Variants in FLT4 observed in about 807,000 individuals in gnomAD.
FLT4 encodes vascular endothelial growth factor receptor 3.
Under a neutral mutation model 163.2 loss-of-function variants are expected in FLT4, and 30 were observed. The observed-to-expected ratio is 0.18, with a 90% CI of 0.14 to 0.25. FLT4 has a LOEUF of 0.25. Ranked by LOEUF, FLT4 falls within the 10% of genes least tolerant of loss-of-function variation. The pLI, the probability that FLT4 is intolerant of heterozygous loss-of-function variation, is 1.00. For missense variants in FLT4, 1,510 were observed against 1,863.8 expected (o/e 0.81, Z 3.50); for synonymous variants, 884 against 789.5 (o/e 1.12, Z -2.01).
chr5:180,622,905 C>T, intron 11 of FLT4, 66 bp from the exon 12 acceptor site: 1 of 1,083,200 alleles, frequency 9.2e-7, no homozygotes, highest in Non-Finnish European at 1.4e-6. Context: ...CCCTGTCTTT[C>T]TGCAAGGAGG....
chr5:180,610,787 G>A (rs1211815633), intron 27 of FLT4, among the ~76,000 whole-genome samples: 1 of 152,262 alleles, frequency 6.6e-6, no homozygotes, highest in African/African-American at 2.4e-5. Flanking sequence ...GCCGGGCGCA[G>A]TGGCTCACGC....
Position 180,619,015 on chromosome 5 carries a change from G to A in FLT4, c.2850+6C>T, listed in dbSNP as rs2127807430. 6.5e-7 allele frequency: 1 copy of A among 1,548,250 alleles called. No homozygotes were observed. Among genetic ancestry groups the A allele is most frequent in the Non-Finnish European group, 8.7e-7 (1 of 1,146,774 alleles). On this transcript the variant is annotated splice_donor_region_variant and intron_variant, in intron 20 of 29. Transcript: ENST00000261937. Reference sequence around the variant, plus strand: ...GCCCGCGGCGCCCCGCAGGCCGCCCGCTCACCGCGCAGGGGCTGAAGGCGT... The same window carrying A: ...GCCCGCGGCGCCCCGCAGGCCGCCCACTCACCGCGCAGGGGCTGAAGGCGT...
intron 25 of FLT4, 66 bp from the exon 26 acceptor site, chr5:180,612,677 C>T: frequency 8.2e-7 from 1 of 1,219,946 alleles, no homozygotes; most frequent in Admixed American, 1.7e-5. Flanking sequence ...TTCAGTGCCC[C>T]AGCCTTCCTG....
chr5:180,608,927 ACAT>A, intron 29 of FLT4, 38 bp downstream of exon 29: 1 of 1,526,836 alleles, frequency 6.5e-7, no homozygotes, highest in African/African-American at 1.4e-5. Context: ...GGGGAGGGCA[ACAT>A]CGATACCTGC....
At chr5:180,614,627 C>A (rs1202592710) in intron 23 of FLT4, among the ~76,000 whole-genome samples, 1 of 152,118 alleles carries the variant, frequency 6.6e-6, no homozygotes, top group African/African-American at 2.4e-5. Context: ...GCTCCTGAGG[C>A]ATCTCCGCCG....
chr5:180,602,790 A>G lies in FLT4; in HGVS notation c.*402T>C. ...GGAGACCTCTGCTCTCGTATGCCTTAACCTCCAACACTGTGTGACTCCCAG... is the reference window on the plus strand; with the variant it reads ...GGAGACCTCTGCTCTCGTATGCCTTGACCTCCAACACTGTGTGACTCCCAG... On this transcript the variant is annotated 3_prime_UTR_variant, in exon 30 of 30. Transcript: ENST00000261937. The G allele has an allele frequency of 2.0e-6, 1 of 501,996 alleles. No individual in the cohort carries two copies. 31.1% of individuals were successfully genotyped at this position (501,996 alleles called of 1,614,324 possible). A position where few individuals can be genotyped will look rare whatever the true frequency, so the allele number is the denominator to read the frequency against.
chr5:180,642,828 G>A (rs970851832), intron 1 of FLT4, among the ~76,000 whole-genome samples: 1 of 152,310 alleles, frequency 6.6e-6, no homozygotes, highest in African/African-American at 2.4e-5. Flanking sequence ...TCCATACACC[G>A]ATGGCAAATT....
chr5:180,610,172 C>A, intron 27 of FLT4, 147 bp from the exon 28 acceptor site: 1 of 1,105,202 alleles, frequency 9.0e-7, no homozygotes, highest in Non-Finnish European at 1.3e-6. Context: ...TGAGTGCTGG[C>A]AGGGGCTCCT....
In FLT4 at chr5:180,620,864, C is replaced by G; in HGVS notation, c.2299+12G>C. The G allele has an allele frequency of 6.2e-7, 1 of 1,609,576 alleles. No homozygotes were observed. The highest frequency in any genetic ancestry group is 8.5e-7 in the Non-Finnish European group (1 of 1,178,822). The stretch of plus-strand genomic sequence containing the variant: ...CGGGAAGGGAGTTGAGGGGTGCAGC[C>G]TGAGGCCAGACCTTCCACGGCCACG... On this transcript the variant is annotated intron_variant, in intron 15 of 29. Coordinates refer to ENST00000261937, the MANE Select transcript of FLT4 (RefSeq NM_182925.5). This position sits in a 1 kb window ranked among gnomAD's most constrained non-coding sequence, Gnocchi z 4.4.
rs1459764737 is a variant in FLT4, at chr5:180,609,823, T to G, written c.3807+82A>C. ...CAGTCGTTGGGTTCTGCCATTTGCC[T>G]TACGAATTCCTGACGCTGCCTCCCC... On this transcript the variant is annotated intron_variant, in intron 28 of 29. Transcript: ENST00000261937. 3.2e-6 allele frequency: 5 copies of G among 1,561,364 alleles called. No individual in the cohort carries two copies. The East Asian group carries it at 9.0e-5, about 28-fold the overall frequency.
At chr5:180,607,797 T>G (rs1382448121) in intron 29 of FLT4, among the ~76,000 whole-genome samples, 2 of 152,214 alleles carry the variant, frequency 1.3e-5, no homozygotes, top group Non-Finnish European at 2.9e-5. Flanking sequence ...TTTGATGTAT[T>G]ACTCATATTA....
intron 1 of FLT4, among the ~76,000 whole-genome samples, chr5:180,639,043 G>A (rs1000734894): frequency 2.0e-5 from 3 of 151,380 alleles, no homozygotes; most frequent in African/African-American, 7.3e-5. Context: ...GGGTAGGTGG[G>A]TAGATGGGTG....
In FLT4 at chr5:180,649,536, C is replaced by T; in HGVS notation, c.10G>A (p.Gly4Ser). Residue 4 changes from glycine to serine, a missense_variant, in exon 1 of 30, where the codon GGC becomes AGC. By Grantham distance (56) the Gly-to-Ser change is moderately conservative (BLOSUM62 0). Coordinates refer to ENST00000261937, the MANE Select transcript of FLT4 (RefSeq NM_182925.5). ...CACAGTCGCAGGCACAGCGCGGCGCCCCGCTGCATCTCCGGCCGCTGCGCG... is the reference window on the plus strand; with the variant it reads ...CACAGTCGCAGGCACAGCGCGGCGCTCCGCTGCATCTCCGGCCGCTGCGCG... Reference protein sequence around the residue: MQRGAALCLRLWLC... With the variant: MQRSAALCLRLWLC... 1 of 1,438,978 alleles carries T rather than the reference C, an allele frequency of 6.9e-7. No individual in the cohort carries two copies. The allele number at this position is 1,438,978 out of a possible 1,614,324, so 89.1% of individuals were successfully genotyped here. A position where few individuals can be genotyped will look rare whatever the true frequency, so the allele number is the denominator to read the frequency against.
chr5:180,637,712 A>G (rs1390608691), intron 1 of FLT4, among the ~76,000 whole-genome samples: 2 of 152,132 alleles, frequency 1.3e-5, no homozygotes, highest in Non-Finnish European at 2.9e-5. Flanking sequence ...TTGTATCTTT[A>G]GTAGACGGGG....
intron 1 of FLT4, among the ~76,000 whole-genome samples, chr5:180,633,661 A>AT (rs915489063): frequency 6.6e-6 from 1 of 151,628 alleles, no homozygotes. Context: ...AAGGAGGGGG[A>AT]TTTTTTTTCC....
At position 180,629,421 on chromosome 5, in the gene FLT4, G is replaced by A. The variant is rs1430092421; in HGVS notation, c.823C>T (p.Arg275Trp). 1.3e-5 allele frequency: 21 copies of A among 1,610,824 alleles called. No homozygotes were observed. The highest frequency in any genetic ancestry group is 1.8e-5 in the Non-Finnish European group (21 of 1,179,940). Residue 275 changes from arginine (R) to tryptophan (W), a missense_variant, in exon 7 of 30, where the codon CGG (arginine) becomes TGG (tryptophan). Arg to Trp is a moderately radical substitution (Grantham distance 101, BLOSUM62 -3). Around this residue, in one of 5 missense-constraint regions of FLT4, gnomAD observed 163 missense variants for 281.1 expected, o/e 0.58. Coordinates refer to ENST00000261937, the MANE Select transcript of FLT4 (RefSeq NM_182925.5). ...DWDYPGKQAE[R>W]GKWVPERRSQ... The stretch of plus-strand genomic sequence containing the variant: ...CGTCGCTCGGGCACCCACTTACCCC[G>A]CTCTGCCTGCCCGCACCCAGGGAAG...
intron 21 of FLT4, 46 bp from the exon 22 acceptor site, chr5:180,617,040 C>T: frequency 1.5e-6 from 2 of 1,370,270 alleles, no homozygotes; most frequent in Non-Finnish European, 2.1e-6. Flanking sequence ...TCCTCCGCGG[C>T]CTCCATCTAC....
chr5:180,635,936 GATGGAAGT>G (rs1764655793), intron 1 of FLT4, among the ~76,000 whole-genome samples: 1 of 130,818 alleles, frequency 7.6e-6, no homozygotes, highest in Admixed American at 7.9e-5. Flanking sequence ...TGGATGGACG[GATGGAAGT>G]ATGGGTGGAT....
At chr5:180,632,628 G>C (rs977009863) in intron 1 of FLT4, among the ~76,000 whole-genome samples, 1 of 127,508 alleles carries the variant, frequency 7.8e-6, no homozygotes, top group African/African-American at 2.8e-5. Flanking sequence ...GTGTGTGTGT[G>C]TGTGTGTGCA....
Sources: allele counts gnomAD v4.1 joint callset (sites outside exome capture counted in the v4.1 genomes callset), GRCh38; gene constraint gnomAD v4.1.1; regional missense constraint gnomAD v4.1.1; non-coding constraint Gnocchi (gnomAD v3.1); transcripts MANE v1.5; gene names NCBI Gene and HGNC (gene_info 2026-07-23, HGNC 2026-07-21).